RERE: variants seen among roughly 807,000 people sequenced by gnomAD.
RERE encodes the protein arginine-glutamic acid dipeptide repeats protein.
In RERE, 40 loss-of-function variants were observed where a neutral mutation model predicts 146.1. That is an observed-to-expected ratio of 0.27 (90% CI 0.21 to 0.36). RERE has a LOEUF of 0.36. RERE is among the 10% of genes least tolerant of loss of function. The pLI is 1.00. For synonymous variants in RERE, 1,003 were observed against 866.0 expected (o/e 1.16, Z -2.78); for missense variants, 1,933 against 2,138.7 (o/e 0.90, Z 1.90).
chr1:8,482,029 T>TACC (rs1294509729), intron 10 of RERE, among the ~76,000 whole-genome samples: 1 of 152,128 alleles, frequency 6.6e-6, no homozygotes, highest in Non-Finnish European at 1.5e-5. Flanking sequence ...AAATGGCTAA[T>TACC]ACCACCACAC....
chr1:8,367,579 C>A (rs1641861853), intron 12 of RERE, among the ~76,000 whole-genome samples: 1 of 152,170 alleles, frequency 6.6e-6, no homozygotes, highest in African/African-American at 2.4e-5. Flanking sequence ...TAACCCCAGG[C>A]CAGCAGGGCC....
At chr1:8,556,714 A>T (rs1258699613) in intron 5 of RERE, 143 bp from the exon 6 acceptor site, 1 of 591,436 alleles carries the variant, frequency 1.7e-6, no homozygotes, top group Middle Eastern at 4.7e-4. Flanking sequence ...AATAGAGAAG[A>T]GGAATCATAA....
chr1:8,531,106 T>TGTCC (rs1180207847), intron 7 of RERE, among the ~76,000 whole-genome samples: 1 of 149,840 alleles, frequency 6.7e-6, no homozygotes, highest in Non-Finnish European at 1.5e-5. Context: ...TCTATCTATC[T>TGTCC]GTCCATCCAT....
At chr1:8,501,442 G>A (rs1645153062) in intron 8 of RERE, among the ~76,000 whole-genome samples, 1 of 56,362 alleles carries the variant, frequency 1.8e-5, no homozygotes, top group East Asian at 8.0e-4. Context: ...GCCTCTGCCC[G>A]GCCGCCCCTA....
intron 1 of RERE, among the ~76,000 whole-genome samples, chr1:8,731,374 A>C (rs1359265465): frequency 3.3e-5 from 5 of 152,170 alleles, no homozygotes; most frequent in Non-Finnish European, 7.4e-5. Context: ...CCTGCTAAGA[A>C]AAACTACTTC....
At chr1:8,453,117 CAG>C (rs1644407721) in intron 11 of RERE, among the ~76,000 whole-genome samples, 2 of 152,138 alleles carry the variant, frequency 1.3e-5, no homozygotes, top group Non-Finnish European at 1.5e-5. Context: ...ATTATGAAGT[CAG>C]AGAATTTAAT....
Position 8,813,590 on chromosome 1 carries a change from C to T in RERE, c.-145+3570G>A, listed in dbSNP as rs541282464. ...TACACATAATTATTGCAGGACCTGACAGTGTTTACTATCCTATTTTTTCCT... is the reference window on the plus strand; with the variant it reads ...TACACATAATTATTGCAGGACCTGATAGTGTTTACTATCCTATTTTTTCCT... On this transcript the variant is annotated intron_variant, in intron 1 of 22. Coordinates refer to ENST00000400908, the MANE Select transcript of RERE (RefSeq NM_001042681.2). Among the ~76,000 whole-genome samples the T allele has an allele frequency of 4.7e-5, 7 of 149,790 alleles. No homozygotes were observed. The Admixed American group carries it at 4.7e-4, about 10-fold the overall frequency.
chr1:8,570,270 G>C (rs923496022), intron 4 of RERE, among the ~76,000 whole-genome samples: 1 of 151,938 alleles, frequency 6.6e-6, no homozygotes, highest in South Asian at 2.1e-4. Context: ...CGGGGAAGTG[G>C]AGGTGAAAGT....
chr1:8,761,039 G>A (rs1640747310), intron 1 of RERE, among the ~76,000 whole-genome samples: 1 of 152,190 alleles, frequency 6.6e-6, no homozygotes. Context: ...GGACAGAGAG[G>A]TGGCAGAACA....
rs150840228 is a variant in RERE at position 8,410,058 on chromosome 1, T to C, written c.1284+12669A>G. Among the ~76,000 whole-genome samples the C allele has an allele frequency of 1.8e-3, 265 of 144,756 alleles. 1 individual carries two copies. Among genetic ancestry groups the C allele is most frequent in the African/African-American group, 6.5e-3 (254 of 38,992 alleles). The allele number at this position is 144,756 out of a possible 152,430, so 95.0% of individuals were successfully genotyped here. The stretch of plus-strand genomic sequence containing the variant: ...GGAAATGAGAGCTGGGATAAAGACA[T>C]GCTCAACTCAACAGAACAAACACAA... On this transcript the variant is annotated intron_variant, in intron 12 of 22. Coordinates refer to ENST00000400908, the MANE Select transcript of RERE (RefSeq NM_001042681.2).
chr1:8,732,990 T>G (rs1158454854), intron 1 of RERE, among the ~76,000 whole-genome samples: 1 of 151,674 alleles, frequency 6.6e-6, no homozygotes, highest in African/African-American at 2.4e-5. Flanking sequence ...CCCGGCTAAT[T>G]TTTTGTATTT....
chr1:8,789,236 G>A (rs1168615319), intron 1 of RERE, among the ~76,000 whole-genome samples: 6 of 133,270 alleles, frequency 4.5e-5, no homozygotes, highest in Non-Finnish European at 6.2e-5. Flanking sequence ...CTTGATCCCA[G>A]GAGTTCGAAA....
At chr1:8,372,337 C>CA (rs1173102378) in intron 12 of RERE, among the ~76,000 whole-genome samples, 1 of 152,060 alleles carries the variant, frequency 6.6e-6, no homozygotes, top group African/African-American at 2.4e-5. Flanking sequence ...CATAAGGGTA[C>CA]ACCCAAGATT....
intron 1 of RERE, among the ~76,000 whole-genome samples, chr1:8,778,166 ACAG>A (rs1641103055): frequency 6.6e-6 from 1 of 152,214 alleles, no homozygotes; most frequent in African/African-American, 2.4e-5. Flanking sequence ...TATCTATTAG[ACAG>A]TGAGTTAAAG....
At chr1:8,661,599 T>C (rs2124348576) in intron 1 of RERE, among the ~76,000 whole-genome samples, 1 of 152,006 alleles carries the variant, frequency 6.6e-6, no homozygotes, top group African/African-American at 2.4e-5. Context: ...ATGGGGAAAG[T>C]CTCATGTTTG....
intron 4 of RERE, among the ~76,000 whole-genome samples, chr1:8,589,853 C>T (rs1421965323): frequency 1.3e-5 from 2 of 152,180 alleles, no homozygotes; most frequent in African/African-American, 4.8e-5. Flanking sequence ...AAACTGGTTC[C>T]GACCACGAAT....
intron 12 of RERE, among the ~76,000 whole-genome samples, chr1:8,386,994 G>A (rs1476097116): frequency 6.6e-6 from 1 of 152,138 alleles, no homozygotes; most frequent in East Asian, 1.9e-4. Flanking sequence ...AAGACAAGCT[G>A]ATTTTAAAAA....
At chr1:8,468,099 TAAAAC>T (rs1038923536) in intron 10 of RERE, among the ~76,000 whole-genome samples, 5 of 152,170 alleles carry the variant, frequency 3.3e-5, no homozygotes, top group Admixed American at 1.3e-4. Context: ...TCAACTATCT[TAAAAC>T]AAAACAAAAC....
intron 2 of RERE, among the ~76,000 whole-genome samples, chr1:8,627,978 T>C (rs1356989724): frequency 1.3e-5 from 2 of 152,162 alleles, no homozygotes; most frequent in Admixed American, 1.3e-4. Flanking sequence ...ACACCTGGCC[T>C]GAGAAATGCT....
Sources: gnomAD v4.1 joint callset for allele counts (sites outside exome capture counted in the v4.1 genomes callset) on GRCh38, gnomAD v4.1.1 for gene constraint, MANE v1.5 for transcripts, NCBI Gene and HGNC (gene_info 2026-07-23, HGNC 2026-07-21) for gene names.